The following CNTN6 variants were observed in gnomAD, a reference collection of about 807,000 sequenced individuals.
CNTN6 encodes contactin 6, also known as contactin-6.
A neutral mutation model predicts 122.8 loss-of-function variants in CNTN6; 137 were observed. The observed-to-expected ratio is 1.12, with a 90% CI of 0.97 to 1.29. The LOEUF is 1.29. Among genes scored for constraint, CNTN6 ranks in the 50% most tolerant of loss-of-function variants. CNTN6 has a pLI of 0.00. For synonymous variants in CNTN6, 570 were observed against 426.0 expected (o/e 1.34, Z -4.16); for missense variants, 1,634 against 1,223.4 (o/e 1.34, Z -5.01).
chr3:1,110,558 AAG>A (rs2091433221), intron 1 of CNTN6, among the ~76,000 whole-genome samples: 1 of 152,140 alleles, frequency 6.6e-6, no homozygotes, highest in African/African-American at 2.4e-5. Context: ...TTTGGGGAAA[AAG>A]AAATTCCTTA....
At chr3:1,157,272 C>T (rs62229385) in intron 2 of CNTN6, among the ~76,000 whole-genome samples, 16 of 151,738 alleles carry the variant, frequency 1.1e-4, no homozygotes, top group African/African-American at 2.9e-4. Flanking sequence ...GGCTGGAGTG[C>T]GGTGGCACGA....
At chr3:1,233,615 A>G (rs150601044) in intron 4 of CNTN6, among the ~76,000 whole-genome samples, 14,288 of 151,102 alleles carry the variant, frequency 0.095, 1,415 homozygotes, top group East Asian at 0.48. Context: ...TGCACCTGTA[A>G]TCCCAGCTAC....
intron 2 of CNTN6, among the ~76,000 whole-genome samples, chr3:1,159,574 ATT>A (rs950459488): frequency 6.6e-6 from 1 of 151,508 alleles, no homozygotes; most frequent in Non-Finnish European, 1.5e-5. Flanking sequence ...TATATATAGA[ATT>A]TTTTTTTATT....
chr3:1,138,412 C>T (rs902977435), intron 1 of CNTN6, among the ~76,000 whole-genome samples: 1 of 151,988 alleles, frequency 6.6e-6, no homozygotes, highest in Non-Finnish European at 1.5e-5. Context: ...TACTCCTACC[C>T]AATATATTTA....
chr3:1,113,878 G>A (rs563291265), intron 1 of CNTN6, among the ~76,000 whole-genome samples: 2 of 152,054 alleles, frequency 1.3e-5, no homozygotes, highest in African/African-American at 4.8e-5. Context: ...AAATGGTAGA[G>A]GAGAATCATC....
At chr3:1,245,980 A>G (rs1267525161) in intron 4 of CNTN6, among the ~76,000 whole-genome samples, 2 of 152,170 alleles carry the variant, frequency 1.3e-5, no homozygotes, top group East Asian at 3.9e-4. Context: ...GTTGGGCCAC[A>G]TTCAAAGCCA....
Position 1,224,142 on chromosome 3 carries a change from G to A in CNTN6, c.182+3329G>A, listed in dbSNP as rs183579789. 3.3e-5 allele frequency among the ~76,000 whole-genome samples: 5 copies of A among 152,220 alleles called. No homozygotes were observed. The East Asian group carries it at 9.7e-4, about 29-fold the overall frequency. On this transcript the variant is annotated intron_variant, in intron 3 of 22. Transcript: ENST00000446702. ...GGTCTGGGGATGGGCTCAGAAATAA[G>A]CCAGGCAGAGAGAGACAAATATCAT... is the stretch of plus-strand genomic sequence containing the variant.
chr3:1,250,461 A>G (rs2094646870), intron 4 of CNTN6, among the ~76,000 whole-genome samples: 1 of 152,166 alleles, frequency 6.6e-6, no homozygotes, highest in African/African-American at 2.4e-5. Flanking sequence ...GCTGGAGTGA[A>G]GAAGGTGTCT....
intron 11 of CNTN6, among the ~76,000 whole-genome samples, chr3:1,347,081 T>C (rs1017414156): frequency 1.3e-5 from 2 of 152,210 alleles, no homozygotes; most frequent in African/African-American, 4.8e-5. Context: ...GTTTTGTACA[T>C]GCTCTATATT....
intron 2 of CNTN6, among the ~76,000 whole-genome samples, chr3:1,158,288 A>G (rs56009464): frequency 0.19 from 28,903 of 152,108 alleles, 3,538 homozygotes; most frequent in African/African-American, 0.33. Context: ...GATCAGTGAC[A>G]TTGAGCACTT....
At chr3:1,147,330 C>A (rs1027009246) in intron 1 of CNTN6, among the ~76,000 whole-genome samples, 1 of 152,030 alleles carries the variant, frequency 6.6e-6, no homozygotes, top group African/African-American at 2.4e-5. Context: ...CAACCATAGT[C>A]TGTTACAATC....
At chr3:1,317,238 T>TG (rs1245217415) in intron 7 of CNTN6, among the ~76,000 whole-genome samples, 1 of 150,832 alleles carries the variant, frequency 6.6e-6, no homozygotes, top group African/African-American at 2.4e-5. Flanking sequence ...AATTTGTTGT[T>TG]TTTTCTTGCT....
chr3:1,313,138 ATT>A (rs970969998), intron 7 of CNTN6, among the ~76,000 whole-genome samples: 42 of 151,962 alleles, frequency 2.8e-4, no homozygotes, highest in African/African-American at 9.4e-4. Flanking sequence ...CCAAATTATC[ATT>A]TTCTCTCCTA....
chr3:1,238,103 A>G (rs1433117376), intron 4 of CNTN6, among the ~76,000 whole-genome samples: 1 of 152,208 alleles, frequency 6.6e-6, no homozygotes, highest in African/African-American at 2.4e-5. Flanking sequence ...ACTAACATAG[A>G]AAGTGAATGG....
intron 1 of CNTN6, among the ~76,000 whole-genome samples, chr3:1,105,416 T>C (rs921740055): frequency 2.0e-5 from 3 of 152,160 alleles, no homozygotes; most frequent in African/African-American, 7.2e-5. Flanking sequence ...ATCGGTGAGA[T>C]AACTTGTAAT....
At chr3:1,325,768 G>A (rs1701447180) in intron 8 of CNTN6, 47 bp from the exon 9 acceptor site, 1 of 1,593,084 alleles carries the variant, frequency 6.3e-7, no homozygotes, top group Non-Finnish European at 8.5e-7. Flanking sequence ...ATAATGTCTT[G>A]GATAACTGCC....
rs569081653 is a variant in CNTN6, at chr3:1,277,484, T to G, written c.359-929T>G. On this transcript the variant is annotated intron_variant, in intron 4 of 22. Transcript: ENST00000446702. ...AAGCAATTCTCATGCCTCAGCCTCC[T>G]GACATAGCTGGAATTACAGGCGTGT... 7.0e-4 allele frequency among the ~76,000 whole-genome samples: 105 copies of G among 149,820 alleles called. 1 individual carries two copies. The highest frequency in any genetic ancestry group is 7.0e-3 in the Admixed American group (104 of 14,844).
intron 7 of CNTN6, among the ~76,000 whole-genome samples, chr3:1,301,434 T>C (rs902291923): frequency 6.6e-6 from 1 of 152,184 alleles, no homozygotes; most frequent in African/African-American, 2.4e-5. Context: ...TAAAATCTGA[T>C]GTGTATGTAC....
At chr3:1,384,952 G>GTCGCCTCT (rs143748181) in intron 19 of CNTN6, among the ~76,000 whole-genome samples, 2,926 of 151,306 alleles carry the variant, frequency 0.019, 104 homozygotes, top group African/African-American at 0.067. Flanking sequence ...TTCATCCCTA[G>GTCGCCTCT]TCGCCTCTTC....
Sources: allele counts gnomAD v4.1 joint callset (sites outside exome capture counted in the v4.1 genomes callset), GRCh38; gene constraint gnomAD v4.1.1; transcripts MANE v1.5; gene names NCBI Gene and HGNC (gene_info 2026-07-23, HGNC 2026-07-21).